The following PTPRN2 variants were observed in gnomAD, a reference collection of about 807,000 sequenced individuals.
PTPRN2 encodes receptor-type tyrosine-protein phosphatase N2.
Under a neutral mutation model 118.8 loss-of-function variants are expected in PTPRN2, and 74 were observed. The ratio of observed to expected loss-of-function variants is 0.62; its 90% confidence interval spans 0.52 to 0.76. The LOEUF is 0.76. Ranked by LOEUF, PTPRN2 falls within the 30% of genes least tolerant of loss-of-function variation. The pLI is 0.00. For synonymous variants in PTPRN2, 641 were observed against 608.0 expected, an observed-to-expected ratio of 1.05 and a Z score of -0.80; for missense variants, 1,481 against 1,394.4, an observed-to-expected ratio of 1.06 and a Z score of -0.99.
At chr7:157,991,703 T>G (rs558176105) in intron 11 of PTPRN2, among the ~76,000 whole-genome samples, 1 of 152,302 alleles carries the variant, frequency 6.6e-6, no homozygotes, top group South Asian at 2.1e-4. Context: ...TGCACGGGGC[T>G]GTTCTCAGCA....
intron 2 of PTPRN2, among the ~76,000 whole-genome samples, chr7:158,362,131 G>T (rs1354356025): frequency 6.6e-6 from 1 of 152,190 alleles, no homozygotes; most frequent in Non-Finnish European, 1.5e-5. Context: ...GAAATGCAGA[G>T]AAGCCACAGC....
chr7:158,441,239 AATGAAGGTGATG>A (rs1817122116), intron 2 of PTPRN2, among the ~76,000 whole-genome samples: 2 of 67,972 alleles, frequency 2.9e-5, no homozygotes, highest in Non-Finnish European at 7.0e-5. Context: ...TGGTGATGGC[AATGAAGGTGATG>A]GTGATGGTGA....
Position 158,205,202 on chromosome 7 carries a change from G to A in PTPRN2, c.349C>T (p.Leu117=), listed in dbSNP as rs759173058. The A allele has an allele frequency of 3.7e-6, 6 of 1,614,118 alleles. No individual in the cohort carries two copies. The highest frequency in any genetic ancestry group is 2.2e-5 in the East Asian group (1 of 44,890). Residue 117 remains leucine, a synonymous_variant, in exon 4 of 23, where the codon CTG becomes TTG. Coordinates refer to ENST00000389418, the MANE Select transcript of PTPRN2 (RefSeq NM_002847.5). ...QELADLPKTY[L]RRPEASSPAR... ...GGGCTGGATGCTTCAGGACGCCTCAGGTAGGTTTTCGGGAGGTCTGCAAGT... is the reference window on the plus strand; with the variant it reads ...GGGCTGGATGCTTCAGGACGCCTCAAGTAGGTTTTCGGGAGGTCTGCAAGT...
chr7:157,792,546 C>T (rs1309392235), intron 12 of PTPRN2, among the ~76,000 whole-genome samples: 1 of 152,220 alleles, frequency 6.6e-6, no homozygotes, highest in Non-Finnish European at 1.5e-5. Context: ...TCCTGCACGT[C>T]CAGGGCATCT....
At chr7:157,646,700 A>T (rs939908246) in intron 14 of PTPRN2, among the ~76,000 whole-genome samples, 2 of 152,184 alleles carry the variant, frequency 1.3e-5, no homozygotes, top group Non-Finnish European at 2.9e-5. Flanking sequence ...AGGAGCGTCA[A>T]GCAGGAGCTG....
chr7:157,958,580 A>C (rs1040982266), intron 11 of PTPRN2, among the ~76,000 whole-genome samples: 1 of 152,212 alleles, frequency 6.6e-6, no homozygotes, highest in Non-Finnish European at 1.5e-5. Flanking sequence ...GTATAAAATC[A>C]ATATACAGAA....
chr7:157,734,261 ATGTGCCCAGTGCAGTCTTCC>A (rs1800166093), intron 12 of PTPRN2, among the ~76,000 whole-genome samples: 1 of 72,540 alleles, frequency 1.4e-5, no homozygotes, highest in African/African-American at 5.1e-5. Flanking sequence ...CTTCCGTCCC[ATGTGCCCAGTGCAGTCTTCC>A]GTCCCATGCG....
intron 2 of PTPRN2, among the ~76,000 whole-genome samples, chr7:158,417,079 C>T (rs1814729138): frequency 6.6e-6 from 1 of 151,926 alleles, no homozygotes. Context: ...CTGCAGCTCT[C>T]AGTGTCCCAC....
At chr7:158,207,164 T>G (rs1827221324) in intron 3 of PTPRN2, among the ~76,000 whole-genome samples, 1 of 144,924 alleles carries the variant, frequency 6.9e-6, no homozygotes, top group Non-Finnish European at 1.5e-5. Flanking sequence ...CTGCATAGTA[T>G]TCCATGGTGT....
At chr7:158,538,158 A>T (rs1038837729) in intron 1 of PTPRN2, among the ~76,000 whole-genome samples, 5 of 152,230 alleles carry the variant, frequency 3.3e-5, no homozygotes, top group Non-Finnish European at 7.3e-5. Context: ...GCACCTTTAG[A>T]ATCAGTGCCC....
At chr7:158,005,894 A>T (rs1805602451) in intron 11 of PTPRN2, among the ~76,000 whole-genome samples, 1 of 152,252 alleles carries the variant, frequency 6.6e-6, no homozygotes, top group Admixed American at 6.5e-5. Context: ...CAGAGTGGGA[A>T]GTCTGCACGG....
chr7:158,450,493 A>G (rs1255130494), intron 2 of PTPRN2, among the ~76,000 whole-genome samples: 1 of 152,218 alleles, frequency 6.6e-6, no homozygotes, highest in Non-Finnish European at 1.5e-5. Flanking sequence ...TCATCCAAAC[A>G]GCACTCAAGA....
chr7:158,150,113 T>A (rs1171131697), intron 6 of PTPRN2, among the ~76,000 whole-genome samples: 4 of 152,210 alleles, frequency 2.6e-5, no homozygotes, highest in Admixed American at 1.3e-4. Context: ...GTGGGTGTTC[T>A]GCTGAGCTCT....
At chr7:158,397,658 C>T (rs1254533036) in intron 2 of PTPRN2, among the ~76,000 whole-genome samples, 1 of 152,212 alleles carries the variant, frequency 6.6e-6, no homozygotes, top group Admixed American at 6.5e-5. Context: ...CCCCACCCCC[C>T]AGTCACTCTG....
chr7:158,436,019 A>G (rs1816549284), intron 2 of PTPRN2, among the ~76,000 whole-genome samples: 1 of 152,224 alleles, frequency 6.6e-6, no homozygotes, highest in South Asian at 2.1e-4. Flanking sequence ...GGCTGTCATC[A>G]ACAATACTGT....
chr7:158,149,725 A>G (rs1474994608), intron 6 of PTPRN2, among the ~76,000 whole-genome samples: 1 of 151,972 alleles, frequency 6.6e-6, no homozygotes, highest in African/African-American at 2.4e-5. Flanking sequence ...AATTGCTTGA[A>G]CATGGGAGAC....
chr7:157,745,768 G>A (rs992603825), intron 12 of PTPRN2, among the ~76,000 whole-genome samples: 5 of 152,276 alleles, frequency 3.3e-5, no homozygotes, highest in South Asian at 2.1e-4. Flanking sequence ...ACCACCCAAC[G>A]ATCTGGTTCC....
At chr7:157,792,579 C>G (rs951386704) in intron 12 of PTPRN2, among the ~76,000 whole-genome samples, 8 of 152,216 alleles carry the variant, frequency 5.3e-5, no homozygotes, top group African/African-American at 1.9e-4. Flanking sequence ...TGCCTGCTCC[C>G]CAGTGTCCCA....
At chr7:157,864,755 G>A (rs1054744483) in intron 12 of PTPRN2, 3 of 152,236 alleles carry the variant, frequency 2.0e-5, no homozygotes, top group South Asian at 2.1e-4. Flanking sequence ...GCTCATAGAC[G>A]TCAGTATCTC....
Sources: gnomAD v4.1 joint callset for allele counts (sites outside exome capture counted in the v4.1 genomes callset) on GRCh38, gnomAD v4.1.1 for gene constraint, MANE v1.5 for transcripts, NCBI Gene and HGNC (gene_info 2026-07-23, HGNC 2026-07-21) for gene names.